The following NPNT variants were observed in gnomAD, a reference collection of about 807,000 sequenced individuals.
NPNT encodes preosteoblast EGF-like repeat protein with MAM domain.
NPNT carries 45 observed loss-of-function variants against 68.6 expected under a neutral mutation model. The observed-to-expected ratio is 0.66, with a 90% confidence interval of 0.52 to 0.84. NPNT has a LOEUF of 0.84. Among genes scored for constraint, NPNT ranks in the 40% least tolerant of loss-of-function variants. NPNT has a pLI of 0.00. For missense variants in NPNT, 672 were observed against 714.8 expected (o/e 0.94, Z 0.68); for synonymous variants, 233 against 253.3 (o/e 0.92, Z 0.76).
intron 2 of NPNT, among the ~76,000 whole-genome samples, chr4:105,911,307 A>G (rs1224873796): frequency 1.3e-5 from 2 of 152,152 alleles, no homozygotes; most frequent in Non-Finnish European, 2.9e-5. Context: ...CTTCAATTAA[A>G]TCAAATTGGA....
Position 105,967,424 on chromosome 4 carries a change from C to G in NPNT, c.1582C>G (p.Arg528Gly), listed in dbSNP as rs745380935. 1 of 1,594,532 alleles carries G rather than the reference C, an allele frequency of 6.3e-7. No homozygotes were observed. The highest frequency in any genetic ancestry group is 8.5e-7 in the Non-Finnish European group (1 of 1,171,422). The change falls in exon 11 of 12, where the codon CGA (arginine) becomes GGA (glycine). Residue 528 changes from arginine to glycine, a missense_variant. Arg to Gly is a moderately radical substitution (Grantham distance 125, BLOSUM62 -2). Coordinates refer to ENST00000379987, the MANE Select transcript of NPNT (RefSeq NM_001033047.3). ...HGWRQTQITLRGADIKSVVFK... is the reference protein window; with the variant it reads ...HGWRQTQITLGGADIKSVVFK... ...CTGGAGGCAAACACAGATCACCTTG[C>G]GAGGGGCTGACATCAAGAGCGTAAG...
At position 105,895,828 on chromosome 4, in the gene NPNT, C is replaced by T. The variant is rs1725781661; in HGVS notation, c.71+105C>T. 5.9e-6 allele frequency: 6 copies of T among 1,017,106 alleles called. 1 individual carries two copies. Among genetic ancestry groups the T allele is most frequent in the South Asian group, 5.8e-5 (4 of 68,838 alleles). 63.0% of individuals were successfully genotyped at this position (1,017,106 alleles called of 1,614,324 possible). On this transcript the variant is annotated intron_variant, in intron 1 of 11. Transcript: ENST00000379987. ...GGGTTTCGTGGTCAGAGAGGCGTCT[C>T]CTCCATCCAGAAGTTGGGCCACCGC...
intron 2 of NPNT, among the ~76,000 whole-genome samples, chr4:105,913,773 A>G (rs889027792): frequency 7.2e-5 from 11 of 152,202 alleles, no homozygotes; most frequent in Non-Finnish European, 1.5e-4. Flanking sequence ...CAAAACTTTC[A>G]TGGGATAGTT....
chr4:105,918,122 G>T (rs996565716), intron 2 of NPNT, among the ~76,000 whole-genome samples: 1 of 152,110 alleles, frequency 6.6e-6, no homozygotes, highest in African/African-American at 2.4e-5. Context: ...TCTGTTTAAG[G>T]TTCTTCAACA....
intron 8 of NPNT, among the ~76,000 whole-genome samples, chr4:105,951,046 T>A (rs180938341): frequency 6.6e-6 from 1 of 152,304 alleles, no homozygotes; most frequent in Non-Finnish European, 1.5e-5. Context: ...ATGTTTCTGA[T>A]CTGCAGTCCC....
At position 105,897,982 on chromosome 4, in the gene NPNT, G is replaced by A. The variant is rs375657172; in HGVS notation, c.153G>A (p.Gln51=). 7.4e-6 allele frequency: 12 copies of A among 1,610,914 alleles called. No homozygotes were observed. The highest frequency in any genetic ancestry group is 1.0e-5 in the Non-Finnish European group (12 of 1,178,788). The change falls in exon 2 of 12, where the codon CAG becomes CAA. Residue 51 remains glutamine (Q), a synonymous_variant. Coordinates refer to ENST00000379987, the MANE Select transcript of NPNT (RefSeq NM_001033047.3). ...ACTGCTGCTGGGGCTGGGCTCGCCA[G>A]TCTTGGGGACAGTGTCAGCGTGAGT... ...RIDCCWGWAR[Q]SWGQCQPVCQ...
Position 105,946,154 on chromosome 4 carries a change from C to T in NPNT, c.1159+3452C>T, listed in dbSNP as rs536521259. ...TATTATATCTTCCTATGCCTTAAAA[C>T]AATGTTTCCTGTAAGTATAAACAAA... On this transcript the variant is annotated intron_variant, in intron 8 of 11. Transcript: ENST00000379987. 1.6e-4 allele frequency among the ~76,000 whole-genome samples: 24 copies of T among 152,262 alleles called. No individual in the cohort carries two copies. In the South Asian group the frequency reaches 4.8e-3, roughly 30 times the overall value.
At chr4:105,895,792 T>A in intron 1 of NPNT, 69 bp downstream of exon 1, 1 of 1,347,972 alleles carries the variant, frequency 7.4e-7, no homozygotes, top group South Asian at 1.3e-5. Context: ...CTTGGGTCAC[T>A]TTTCCCCGCG....
intron 3 of NPNT, among the ~76,000 whole-genome samples, chr4:105,934,578 C>T (rs1729369235): frequency 6.6e-6 from 1 of 152,196 alleles, no homozygotes; most frequent in African/African-American, 2.4e-5. Flanking sequence ...ATATTAACAC[C>T]AGTCAGCTGT....
At chr4:105,938,721 G>A (rs908473990) in intron 5 of NPNT, among the ~76,000 whole-genome samples, 3 of 152,346 alleles carry the variant, frequency 2.0e-5, no homozygotes, top group Admixed American at 6.5e-5. Flanking sequence ...TTCCTAGAAT[G>A]TAAGCGGCAA....
In NPNT at chr4:105,895,586, C is replaced by T. The variant is rs1725747719; in HGVS notation, c.-67C>T. ...AGACTCTCAGAGGGGCGCCTCCCAT[C>T]GGCGCCCACCACCCCAACCTGTTCC... On this transcript the variant is annotated 5_prime_UTR_variant, in exon 1 of 12. Transcript: ENST00000379987. The T allele has an allele frequency of 2.3e-6, 3 of 1,316,234 alleles. No individual in the cohort carries two copies. Among genetic ancestry groups the T allele is most frequent in the Non-Finnish European group, 3.2e-6 (3 of 942,176 alleles). The allele number at this position is 1,316,234 out of a possible 1,614,324, so 81.5% of individuals were successfully genotyped here.
intron 2 of NPNT, among the ~76,000 whole-genome samples, chr4:105,920,510 A>T (rs1268003302): frequency 6.6e-6 from 1 of 152,008 alleles, no homozygotes; most frequent in East Asian, 1.9e-4. Context: ...GCACAATGAA[A>T]ACAGAAAGAG....
chr4:105,969,812 C>T lies in NPNT; in HGVS notation c.*822C>T, dbSNP rs1015158170. On this transcript the variant is annotated 3_prime_UTR_variant, in exon 12 of 12. Coordinates refer to ENST00000379987, the MANE Select transcript of NPNT (RefSeq NM_001033047.3). ...TGGCAGAAGTGTTGGGTTGTGGTAA[C>T]GGAGTGATGAATTTTTTTTTAATGG... The T allele has an allele frequency of 2.0e-5, 3 of 152,192 alleles. No homozygotes were observed. Among genetic ancestry groups the T allele is most frequent in the African/African-American group, 7.2e-5 (3 of 41,470 alleles). 9.4% of individuals were successfully genotyped at this position (152,192 alleles called of 1,614,324 possible). A position where few individuals can be genotyped will look rare whatever the true frequency, so the allele number is the denominator to read the frequency against.
chr4:105,945,980 A>T (rs1220147622), intron 8 of NPNT, among the ~76,000 whole-genome samples: 1 of 152,240 alleles, frequency 6.6e-6, no homozygotes, highest in African/African-American at 2.4e-5. Context: ...TAAAGAAAAA[A>T]GTAGTTATCT....
At chr4:105,955,365 G>C (rs1731139896) in intron 8 of NPNT, among the ~76,000 whole-genome samples, 1 of 152,090 alleles carries the variant, frequency 6.6e-6, no homozygotes, top group Non-Finnish European at 1.5e-5. Context: ...TCAAAGAAAA[G>C]TGTTTGAATT....
At chr4:105,896,217 G>A (rs1725831000) in intron 1 of NPNT, among the ~76,000 whole-genome samples, 1 of 152,154 alleles carries the variant, frequency 6.6e-6, no homozygotes, top group Non-Finnish European at 1.5e-5. Context: ...GGGCTACGGG[G>A]GAGATTTGTG....
At chr4:105,967,095 GAAA>G in intron 10 of NPNT, 90 bp from the exon 11 acceptor site, 12 of 1,035,812 alleles carry the variant, frequency 1.2e-5, no homozygotes, top group East Asian at 2.9e-5. Context: ...ACAAAGAAAA[GAAA>G]AAAAAAAAAA....
chr4:105,937,598 T>C (rs907326735), intron 4 of NPNT, among the ~76,000 whole-genome samples: 3 of 152,140 alleles, frequency 2.0e-5, no homozygotes, highest in African/African-American at 7.2e-5. Context: ...TTTTATAGAA[T>C]TTTAGACTCT....
chr4:105,935,834 T>C (rs531531616), intron 3 of NPNT, among the ~76,000 whole-genome samples: 4 of 152,284 alleles, frequency 2.6e-5, no homozygotes, highest in Admixed American at 2.0e-4. Context: ...AACTTGGTGA[T>C]TTAGTTAAAT....
Sources: gnomAD v4.1 joint callset for allele counts (sites outside exome capture counted in the v4.1 genomes callset) on GRCh38, gnomAD v4.1.1 for gene constraint, MANE v1.5 for transcripts, NCBI Gene and HGNC (gene_info 2026-07-23, HGNC 2026-07-21) for gene names.